The following ANKHD1 variants were observed in gnomAD, a reference collection of about 807,000 sequenced individuals.
ANKHD1 encodes the protein ankyrin repeat and KH domain-containing protein 1.
ANKHD1 carries 31 observed loss-of-function variants against 230.5 expected under a neutral mutation model. That is an observed-to-expected ratio of 0.13 (90% CI 0.10 to 0.18). The LOEUF (loss-of-function observed/expected upper bound fraction) is 0.18. Ranked by LOEUF, ANKHD1 falls within the 10% of genes least tolerant of loss-of-function variation. The probability of loss-of-function intolerance (pLI) is 1.00; values close to 1 mark genes in which losing one functional copy is unlikely to be tolerated. For synonymous variants in ANKHD1, 1,074 were observed against 1,117.6 expected (o/e 0.96, Z 0.78); for missense variants, 2,256 against 3,071.3 (o/e 0.73, Z 6.27).
chr5:140,471,387 G>C (rs928188531), intron 10 of ANKHD1, among the ~76,000 whole-genome samples: 1 of 152,094 alleles, frequency 6.6e-6, no homozygotes. Context: ...CTTATTATTC[G>C]TATTTTAATG....
rs75513353 is a variant in ANKHD1 at position 140,468,711 on chromosome 5, G to A, written c.1782+3935G>A. Among the ~76,000 whole-genome samples the A allele has an allele frequency of 5.4e-3, 825 of 152,074 alleles. 5 individuals are homozygous for A. Among genetic ancestry groups the A allele is most frequent in the African/African-American group, 0.019 (779 of 41,464 alleles). On this transcript the variant is annotated intron_variant, in intron 10 of 33. Coordinates refer to ENST00000360839, the MANE Select transcript of ANKHD1 (RefSeq NM_017747.3). The stretch of plus-strand genomic sequence containing the variant: ...AATATATGTGATATAACATCTTTCC[G>A]TGTTCCAGTAGATTTCCCATTCTTT...
At chr5:140,484,944 G>T (rs1751438470) in intron 11 of ANKHD1, 177 bp from the exon 12 acceptor site, 1 of 1,016,892 alleles carries the variant, frequency 9.8e-7, no homozygotes, top group Non-Finnish European at 1.3e-6. Context: ...TCTTCCTCTG[G>T]GTGCTGGTTA....
At chr5:140,509,148 T>C (rs1209855658) in intron 20 of ANKHD1, among the ~76,000 whole-genome samples, 2 of 152,210 alleles carry the variant, frequency 1.3e-5, no homozygotes, top group Admixed American at 6.5e-5. Context: ...CAATTTGTCT[T>C]TTTCTATTAC....
intron 26 of ANKHD1, among the ~76,000 whole-genome samples, chr5:140,526,685 C>G (rs1360347972): frequency 1.2e-5 from 1 of 86,354 alleles, no homozygotes; most frequent in African/African-American, 3.6e-5. Context: ...TATTTGCATG[C>G]TTTGATTTTA....
Position 140,507,964 on chromosome 5 carries a change from T to C in ANKHD1, c.3731T>C (p.Leu1244Pro). The C allele has an allele frequency of 6.2e-7, 1 of 1,614,008 alleles. No homozygotes were observed. The highest frequency in any genetic ancestry group is 8.5e-7 in the Non-Finnish European group (1 of 1,179,876). ...CGAGCAGAAGTAGTGAGTTTGCTTC[T>C]GGACCGAAAAGCCAATGTTGAACAT... is the stretch of plus-strand genomic sequence containing the variant. ...QGRAEVVSLL[L>P]DRKANVEHRA... Residue 1244 changes from leucine (L) to proline (P), a missense_variant, in exon 20 of 34, where the codon CTG becomes CCG. Coordinates refer to ENST00000360839, the MANE Select transcript of ANKHD1 (RefSeq NM_017747.3). This position sits in a 1 kb window ranked among gnomAD's most constrained non-coding sequence, Gnocchi z 4.1.
Position 140,538,120 on chromosome 5 carries a change from G to T in ANKHD1, c.7263G>T (p.Gly2421=), listed in dbSNP as rs367647586. The T allele has an allele frequency of 1.9e-6, 3 of 1,613,570 alleles. No individual in the cohort carries two copies. The highest frequency in any genetic ancestry group is 2.5e-6 in the Non-Finnish European group (3 of 1,179,782). The change falls in exon 32 of 34, where the codon GGG becomes GGT. Residue 2421 remains glycine (G), a synonymous_variant. Transcript: ENST00000360839. ...CAGGTTGGTCGCAATCTGTGATGGG[G>T]AACCATCCAATGCATCAACAATTAT... ...GLSGWSQSVM[G]NHPMHQQLSD...
chr5:140,430,706 T>A (rs1046243052), intron 1 of ANKHD1, among the ~76,000 whole-genome samples: 3 of 150,178 alleles, frequency 2.0e-5, no homozygotes, highest in Non-Finnish European at 4.4e-5. Context: ...GGGTCCAGGT[T>A]GAAGTGGAAT....
chr5:140,419,830 CTT>C (rs1231084158), intron 1 of ANKHD1, among the ~76,000 whole-genome samples: 1 of 110,192 alleles, frequency 9.1e-6, no homozygotes, highest in Admixed American at 9.3e-5. Context: ...TTCTTTCTTT[CTT>C]TCTTTTTCTT....
intron 32 of ANKHD1, 38 bp from the exon 33 acceptor site, chr5:140,538,881 G>C (rs534101987): frequency 4.2e-6 from 6 of 1,439,700 alleles, no homozygotes; most frequent in Middle Eastern, 1.9e-4. Flanking sequence ...ATAATTTATA[G>C]TAATTTTAAG....
intron 15 of ANKHD1, chr5:140,498,157 C>G (rs1360298698): frequency 6.6e-6 from 1 of 152,210 alleles, no homozygotes; most frequent in African/African-American, 2.4e-5. Context: ...TGGATGAAGA[C>G]CAAGAACTAA....
rs1243384643 is a variant in ANKHD1 at position 140,441,121 on chromosome 5, G to A, written c.892G>A (p.Val298Ile). 6.2e-7 allele frequency: 1 copy of A among 1,602,220 alleles called. No homozygotes were observed. Among genetic ancestry groups the A allele is most frequent in the African/African-American group, 1.3e-5 (1 of 74,200 alleles). The change falls in exon 5 of 34, where the codon GTC becomes ATC. Residue 298 changes from valine to isoleucine, a missense_variant. Physicochemically the swap from Val to Ile is conservative, Grantham distance 29. Transcript: ENST00000360839. ...ATTATTACTTCTTCATGATGCTGAT[G>A]TCAACTCCCAGTCTGCAACAGGTAT... The part of the protein sequence containing the change: ...VKLLLLHDAD[V>I]NSQSATGNTA...
Position 140,402,142 on chromosome 5 carries a change from AGCG to A in ANKHD1, c.187_189del (p.Gly63del), listed in dbSNP as rs751122692. The A allele has an allele frequency of 2.7e-5, 41 of 1,544,094 alleles. No individual in the cohort carries two copies. The highest frequency in any genetic ancestry group is 1.4e-4 in the Admixed American group (7 of 51,400). Reference sequence around the variant, plus strand: ...CGGGCCAGCGTCGGGAGTCGGCAGCAGCGGCGGCGGCGGCAGCGGCAGCGGTAC... The same window carrying A: ...CGGGCCAGCGTCGGGAGTCGGCAGCAGCGGCGGCGGCAGCGGCAGCGGTAC... On this transcript the variant is annotated inframe_deletion, in exon 1 of 34. Coordinates refer to ENST00000360839, the MANE Select transcript of ANKHD1 (RefSeq NM_017747.3).
At chr5:140,455,167 G>A (rs1339999846) in intron 7 of ANKHD1, among the ~76,000 whole-genome samples, 3 of 152,186 alleles carry the variant, frequency 2.0e-5, no homozygotes, top group African/African-American at 7.2e-5. Flanking sequence ...AAACCAGGAA[G>A]AAGTTGAATC....
chr5:140,446,191 G>C (rs1774264359), intron 6 of ANKHD1, among the ~76,000 whole-genome samples: 1 of 151,456 alleles, frequency 6.6e-6, no homozygotes, highest in Non-Finnish European at 1.5e-5. Context: ...AGATTTATTG[G>C]GTTAACTGTG....
intron 1 of ANKHD1, among the ~76,000 whole-genome samples, chr5:140,424,501 A>T (rs1772249078): frequency 1.3e-5 from 2 of 152,200 alleles, no homozygotes; most frequent in Admixed American, 6.5e-5. Flanking sequence ...TTCAAAAACT[A>T]CAGCAATTTG....
intron 14 of ANKHD1, among the ~76,000 whole-genome samples, chr5:140,492,902 C>T (rs1751870602): frequency 6.6e-6 from 1 of 152,062 alleles, no homozygotes; most frequent in Non-Finnish European, 1.5e-5. Flanking sequence ...ACATGTCCAC[C>T]TCATTCCTTC....
At chr5:140,504,516 T>C (rs1264518967) in intron 15 of ANKHD1, among the ~76,000 whole-genome samples, 1 of 152,260 alleles carries the variant, frequency 6.6e-6, no homozygotes, top group Non-Finnish European at 1.5e-5. Context: ...TATCAGGTGC[T>C]GTGTTAAGTA....
intron 1 of ANKHD1, among the ~76,000 whole-genome samples, chr5:140,426,566 G>A (rs1341765199): frequency 6.6e-6 from 1 of 151,652 alleles, no homozygotes; most frequent in African/African-American, 2.4e-5. Flanking sequence ...TCTCGCAGAG[G>A]GGGATTTGGC....
chr5:140,404,114 G>A (rs540699368), intron 1 of ANKHD1, among the ~76,000 whole-genome samples: 1 of 152,300 alleles, frequency 6.6e-6, no homozygotes, highest in Admixed American at 6.5e-5. Flanking sequence ...TATTTGAGTA[G>A]GCAGTTATGG....
Sources: allele counts gnomAD v4.1 joint callset (sites outside exome capture counted in the v4.1 genomes callset), GRCh38; gene constraint gnomAD v4.1.1; non-coding constraint Gnocchi (gnomAD v3.1); transcripts MANE v1.5; gene names NCBI Gene and HGNC (gene_info 2026-07-23, HGNC 2026-07-21).